CCT2: variants seen among roughly 807,000 people sequenced by gnomAD.
The protein encoded by CCT2 is chaperonin containing TCP1 subunit 2, also known as T-complex protein 1 subunit beta.
Under a neutral mutation model 61.8 loss-of-function variants are expected in CCT2, and 18 were observed. That is an observed-to-expected ratio of 0.29 (90% confidence interval 0.20 to 0.43). CCT2 has a LOEUF of 0.43. Among genes scored for constraint, CCT2 ranks in the 20% least tolerant of loss-of-function variants. The probability of loss-of-function intolerance (pLI) is 1.00; values close to 1 mark genes in which losing one functional copy is unlikely to be tolerated. For missense variants in CCT2, 556 were observed against 656.9 expected (o/e 0.85, Z 1.68); for synonymous variants, 248 against 215.9 (o/e 1.15, Z -1.30).
chr12:69,592,935 A>AG, intron 8 of CCT2, 41 bp from the exon 9 acceptor site: 3 of 1,594,400 alleles, frequency 1.9e-6, no homozygotes, highest in Non-Finnish European at 1.7e-6. Flanking sequence ...CTCAAAAAAA[A>AG]TAATGAAACT....
chr12:69,598,419 T>C lies in CCT2; in HGVS notation c.1433T>C (p.Leu478Ser). 6.4e-7 allele frequency: 1 copy of C among 1,565,840 alleles called. No individual in the cohort carries two copies. Among genetic ancestry groups the C allele is most frequent in the Non-Finnish European group, 8.6e-7 (1 of 1,157,714 alleles). ...AHSEGNTTAG[L>S]DMREGTIGDM... is the part of the protein sequence containing the mutation. ...AGTGAAGGCAATACCACTGCTGGAT[T>C]GGGTAAGCAATCAAGGGGAACTTTG... is the stretch of plus-strand genomic sequence containing the variant. Residue 478 changes from leucine to serine, a missense_variant and splice_region_variant, in exon 14 of 16, where the codon TTG becomes TCG. This residue lies in a region of CCT2 where 225 missense variants were observed against 249.8 expected (regional missense o/e 0.90). Coordinates refer to ENST00000299300, the MANE Select transcript of CCT2 (RefSeq NM_006431.3).
rs1379465788 is a variant in CCT2 at position 69,585,539 on chromosome 12, C to T, written c.3+15C>T. 1.3e-6 allele frequency: 2 copies of T among 1,571,414 alleles called. No individual in the cohort carries two copies. Among genetic ancestry groups the T allele is most frequent in the Non-Finnish European group, 1.7e-6 (2 of 1,157,464 alleles). On this transcript the variant is annotated intron_variant, in intron 1 of 15. Transcript: ENST00000299300. ...TCGGAACCATGGTGAGCCTGACTCC[C>T]CTGCCTCTTGCCCTACCCCTGCTCC...
chr12:69,598,120 A>ATG (rs1882044530), intron 13 of CCT2, 49 bp downstream of exon 13: 1 of 1,372,848 alleles, frequency 7.3e-7, no homozygotes, highest in Admixed American at 1.8e-5. Context: ...GTGGTTATTG[A>ATG]TAGTTTTAAA....
rs759951747 is a variant in CCT2 at position 69,585,476 on chromosome 12, C to T, written c.-46C>T. On this transcript the variant is annotated 5_prime_UTR_variant, in exon 1 of 16. Coordinates refer to ENST00000299300, the MANE Select transcript of CCT2 (RefSeq NM_006431.3). ...CTTCCTTCAGTCCGCTGGTCCCGAGCACGAGCTGTGAGGGGATTCACTTGT... is the reference window on the plus strand; with the variant it reads ...CTTCCTTCAGTCCGCTGGTCCCGAGTACGAGCTGTGAGGGGATTCACTTGT... 85 of 1,555,478 alleles carry T rather than the reference C, an allele frequency of 5.5e-5. No homozygotes were observed. The highest frequency in any genetic ancestry group is 7.3e-5 in the Non-Finnish European group (84 of 1,148,656).
At position 69,587,541 on chromosome 12, in the gene CCT2, C is replaced by T; in HGVS notation, c.181C>T (p.Leu61Phe). 1 of 1,613,628 alleles carries T rather than the reference C, an allele frequency of 6.2e-7. No individual in the cohort carries two copies. The highest frequency in any genetic ancestry group is 8.5e-7 in the Non-Finnish European group (1 of 1,179,568). ...ILLSSGRDAS[L>F]MVTNDGATIL... The stretch of plus-strand genomic sequence containing the variant: ...TCTAAGCAGTGGACGAGATGCCTCT[C>T]TTATGGTAACCAATGATGGTGCCAC... Residue 61 changes from leucine (L) to phenylalanine (F), a missense_variant, in exon 4 of 16, where the codon CTT (leucine) becomes TTT (phenylalanine). Around this residue, in one of 3 missense-constraint regions of CCT2, gnomAD observed 308 missense variants for 350.6 expected, o/e 0.88. Coordinates refer to ENST00000299300, the MANE Select transcript of CCT2 (RefSeq NM_006431.3).
chr12:69,586,220 T>C, intron 1 of CCT2, 50 bp from the exon 2 acceptor site: 1 of 1,349,078 alleles, frequency 7.4e-7, no homozygotes, highest in East Asian at 2.3e-5. Flanking sequence ...TCAGTGTATG[T>C]GTTAGAGTAT....
Position 69,589,665 on chromosome 12 carries a change from G to A in CCT2, c.627G>A (p.Leu209=). The A allele has an allele frequency of 6.2e-7, 1 of 1,612,992 alleles. No homozygotes were observed. The highest frequency in any genetic ancestry group is 8.5e-7 in the Non-Finnish European group (1 of 1,179,888). The part of the protein sequence containing the change: ...IHIIKKLGGS[L]ADSYLDEGFL... ...TTATCAAGAAGCTAGGAGGAAGTTT[G>A]GCAGATTCCTATTTAGATGAAGGTA... Residue 209 remains leucine, a synonymous_variant, in exon 7 of 16, where the codon TTG becomes TTA. Transcript: ENST00000299300.
intron 8 of CCT2, chr12:69,592,663 C>T (rs1350239849): frequency 1.6e-5 from 4 of 245,058 alleles, no homozygotes; most frequent in East Asian, 1.0e-4. Context: ...TGGTGGTTCA[C>T]GCCTGTAATC....
At chr12:69,598,273 T>C (rs753218711) in intron 13 of CCT2, 49 bp from the exon 14 acceptor site, 1 of 1,319,438 alleles carries the variant, frequency 7.6e-7, no homozygotes, top group Non-Finnish European at 1.1e-6. Context: ...AGTAAATCAG[T>C]GGTTCTTACA....
chr12:69,592,033 T>C (rs1018431898), intron 7 of CCT2, 26 bp from the exon 8 acceptor site: 10 of 1,264,642 alleles, frequency 7.9e-6, no homozygotes, highest in Non-Finnish European at 1.2e-5. Context: ...GTATTAAATA[T>C]GATACTGTTC....
chr12:69,588,493 A>G, intron 6 of CCT2: 1 of 410,428 alleles, frequency 2.4e-6, no homozygotes, highest in South Asian at 3.8e-5. Context: ...CAAATAGTAT[A>G]ATACTGTATA....
chr12:69,589,660 A>C lies in CCT2; in HGVS notation c.622A>C (p.Ser208Arg), dbSNP rs756659427. ...AIHIIKKLGG[S>R]LADSYLDEGF... ...TCATATTATCAAGAAGCTAGGAGGA[A>C]GTTTGGCAGATTCCTATTTAGATGA... is the stretch of plus-strand genomic sequence containing the variant. Residue 208 changes from serine to arginine, a missense_variant, in exon 7 of 16, where the codon AGT becomes CGT. Ser to Arg is a moderately radical substitution (Grantham distance 110, BLOSUM62 -1). Around this residue, in one of 3 missense-constraint regions of CCT2, gnomAD observed 308 missense variants for 350.6 expected, o/e 0.88. Coordinates refer to ENST00000299300, the MANE Select transcript of CCT2 (RefSeq NM_006431.3). 3.7e-6 allele frequency: 6 copies of C among 1,613,348 alleles called. No individual in the cohort carries two copies. The Admixed American group carries it at 6.7e-5, about 18-fold the overall frequency.
intron 6 of CCT2, among the ~76,000 whole-genome samples, chr12:69,588,734 C>T (rs902304280): frequency 3.3e-5 from 5 of 152,074 alleles, no homozygotes; most frequent in Admixed American, 6.6e-5. Flanking sequence ...TTGTTGGGTC[C>T]AAAGGTAAGT....
At chr12:69,587,389 C>T in intron 3 of CCT2, 116 bp from the exon 4 acceptor site, 2 of 605,588 alleles carry the variant, frequency 3.3e-6, no homozygotes, top group Non-Finnish European at 2.9e-6. Flanking sequence ...GAATGGATAC[C>T]ACAAAATAGC....
rs371168440 is a variant in CCT2, at chr12:69,598,433, A to G, written c.1435+12A>G. 1 of 1,525,096 alleles carries G rather than the reference A, an allele frequency of 6.6e-7. No individual in the cohort carries two copies. The highest frequency in any genetic ancestry group is 1.4e-5 in the African/African-American group (1 of 71,620). The allele number at this position is 1,525,096 out of a possible 1,614,324, so 94.5% of individuals were successfully genotyped here. On this transcript the variant is annotated intron_variant, in intron 14 of 15. Coordinates refer to ENST00000299300, the MANE Select transcript of CCT2 (RefSeq NM_006431.3). The stretch of plus-strand genomic sequence containing the variant: ...CACTGCTGGATTGGGTAAGCAATCA[A>G]GGGGAACTTTGTGGCCGTTGTTAAA...
chr12:69,587,402 T>C (rs1279310078), intron 3 of CCT2, 103 bp from the exon 4 acceptor site: 2 of 654,154 alleles, frequency 3.1e-6, no homozygotes, highest in African/African-American at 3.7e-5. Context: ...AAAATAGCTA[T>C]CCAGAGTGTT....
rs1565798272 is a variant in CCT2, at chr12:69,588,364, A to T, written c.446+102A>T. 7.4e-6 allele frequency: 6 copies of T among 812,974 alleles called. 1 individual carries two copies. Among genetic ancestry groups the T allele is most frequent in the Non-Finnish European group, 1.2e-5 (6 of 498,480 alleles). 50.4% of individuals were successfully genotyped at this position (812,974 alleles called of 1,614,324 possible). On this transcript the variant is annotated intron_variant, in intron 6 of 15. Transcript: ENST00000299300. ...ACACTGAAAAGCATACACAAAGATCATCTTGCTGCCTCACCCCACTCCAAC... is the reference window on the plus strand; with the variant it reads ...ACACTGAAAAGCATACACAAAGATCTTCTTGCTGCCTCACCCCACTCCAAC...
chr12:69,593,135 T>C (rs1881886184), intron 9 of CCT2, 32 bp downstream of exon 9: 3 of 1,583,954 alleles, frequency 1.9e-6, no homozygotes, highest in African/African-American at 2.7e-5. Flanking sequence ...AGGATTTTTT[T>C]CCATGAAAGT....
chr12:69,597,727 G>A lies in CCT2; in HGVS notation c.1192G>A (p.Ala398Thr), dbSNP rs562353804. The A allele has an allele frequency of 6.2e-7, 1 of 1,613,654 alleles. No individual in the cohort carries two copies. Among genetic ancestry groups the A allele is most frequent in the Non-Finnish European group, 8.5e-7 (1 of 1,179,730 alleles). ...ATTGCATGATGCTCTTTGTGTTCTT[G>A]CGCAAACTGTAAAGGACTCTAGAAC... ...RSLHDALCVL[A>T]QTVKDSRTVY... The change falls in exon 12 of 16, where the codon GCG (alanine) becomes ACG (threonine). Residue 398 changes from alanine to threonine, a missense_variant. Physicochemically the swap from Ala to Thr is moderately conservative, Grantham distance 58. This residue lies in a region of CCT2 where 225 missense variants were observed against 249.8 expected (regional missense o/e 0.90). Transcript: ENST00000299300.
Sources: gnomAD v4.1 joint callset for allele counts (sites outside exome capture counted in the v4.1 genomes callset) on GRCh38, gnomAD v4.1.1 for gene constraint, gnomAD v4.1.1 regional missense constraint, MANE v1.5 for transcripts, NCBI Gene and HGNC (gene_info 2026-07-23, HGNC 2026-07-21) for gene names.